The following RPS6KA3 variants were observed in gnomAD, a reference collection of about 807,000 sequenced individuals.
RPS6KA3 encodes ribosomal protein S6 kinase A3, also known as ribosomal protein S6 kinase alpha-3.
In RPS6KA3, 4 loss-of-function variants were observed where a neutral mutation model predicts 67.2. The ratio of observed to expected loss-of-function variants is 0.06; its 90% CI spans 0.03 to 0.14. The LOEUF is 0.14. RPS6KA3 is among the 10% of genes least tolerant of loss of function. The probability of loss-of-function intolerance (pLI) is 1.00; values close to 1 mark genes in which losing one functional copy is unlikely to be tolerated. For synonymous variants in RPS6KA3, 182 were observed against 183.7 expected, an observed-to-expected ratio of 0.99 and a Z score of 0.07; for missense variants, 204 against 559.0, an observed-to-expected ratio of 0.36 and a Z score of 6.40.
At chrX:20,209,224 A>G (rs2068646945) in intron 3 of RPS6KA3, 64 bp downstream of exon 3, 1 of 623,699 alleles carries the variant, frequency 1.6e-6, no homozygotes, top group African/African-American at 2.2e-5. Context: ...TTGTTTCCTC[A>G]TGTATATGAA....
intron 16 of RPS6KA3, 100 bp from the exon 17 acceptor site, chrX:20,167,847 A>T (rs1267922971): frequency 3.6e-6 from 2 of 563,002 alleles, no homozygotes; most frequent in Admixed American, 2.8e-5. Flanking sequence ...CTTCATATTC[A>T]AGACAAATTT....
intron 1 of RPS6KA3, among the ~76,000 whole-genome samples, chrX:20,252,767 G>C (rs1270610629): frequency 1.8e-5 from 2 of 111,344 alleles, no homozygotes; most frequent in Non-Finnish European, 3.8e-5. Flanking sequence ...GGGGAGGGTA[G>C]AGAAGGAAGC....
intron 1 of RPS6KA3, among the ~76,000 whole-genome samples, chrX:20,262,672 C>G (rs1256068884): frequency 9.0e-6 from 1 of 111,400 alleles, no homozygotes; most frequent in Non-Finnish European, 1.9e-5. Flanking sequence ...AGTTACTTGA[C>G]AGTTGACATG....
intron 1 of RPS6KA3, among the ~76,000 whole-genome samples, chrX:20,261,375 T>C (rs1603433367): frequency 1.8e-5 from 2 of 112,235 alleles, no homozygotes; most frequent in Admixed American, 1.9e-4. Context: ...TCATTACACA[T>C]TCTATGCATG....
At chrX:20,186,414 T>A in intron 9 of RPS6KA3, 48 bp from the exon 10 acceptor site, 2 of 775,714 alleles carry the variant, frequency 2.6e-6, no homozygotes, top group South Asian at 2.2e-5. Context: ...AAATATAAAA[T>A]CTGAAGGCCA....
intron 1 of RPS6KA3, among the ~76,000 whole-genome samples, chrX:20,261,883 G>C (rs1389330894): frequency 8.9e-6 from 1 of 112,073 alleles, no homozygotes; most frequent in Non-Finnish European, 1.9e-5. Context: ...TGATGGGAGT[G>C]GGGTGGAAGG....
chrX:20,237,753 T>C (rs1268130044), intron 1 of RPS6KA3, among the ~76,000 whole-genome samples: 2 of 111,585 alleles, frequency 1.8e-5, no homozygotes, highest in East Asian at 2.8e-4. Context: ...TGTAAAGTCC[T>C]TTTGATCTTG....
chrX:20,213,305 T>C (rs1392303568), intron 2 of RPS6KA3, among the ~76,000 whole-genome samples: 1 of 112,372 alleles, frequency 8.9e-6, no homozygotes, highest in Non-Finnish European at 1.9e-5. Flanking sequence ...TAGTTCTGCA[T>C]CTACTTTGAT....
At chrX:20,242,401 C>T (rs903136666) in intron 1 of RPS6KA3, among the ~76,000 whole-genome samples, 6 of 111,775 alleles carry the variant, frequency 5.4e-5, no homozygotes, top group Admixed American at 9.5e-5. Flanking sequence ...TTTATGCAGG[C>T]ATCACATTCA....
At chrX:20,201,049 A>G (rs1050031421) in intron 4 of RPS6KA3, among the ~76,000 whole-genome samples, 10 of 112,016 alleles carry the variant, frequency 8.9e-5, no homozygotes, top group African/African-American at 3.2e-4. Context: ...TAATGTTGCA[A>G]CAAGAATTTT....
intron 14 of RPS6KA3, among the ~76,000 whole-genome samples, chrX:20,173,454 C>T (rs748502493): frequency 8.9e-6 from 1 of 111,980 alleles, no homozygotes; most frequent in African/African-American, 3.2e-5. Flanking sequence ...AAGTCATAGC[C>T]TTACACAACT....
chrX:20,208,779 G>A (rs1442509309), intron 3 of RPS6KA3, among the ~76,000 whole-genome samples: 3 of 111,504 alleles, frequency 2.7e-5, no homozygotes, highest in Non-Finnish European at 5.7e-5. Context: ...AAACAAACAC[G>A]ATGTTACTGG....
chrX:20,208,254 C>G (rs2068620452), intron 3 of RPS6KA3, among the ~76,000 whole-genome samples: 1 of 110,458 alleles, frequency 9.1e-6, no homozygotes, highest in Non-Finnish European at 1.9e-5. Flanking sequence ...AGGTGGTGCT[C>G]AAACGGCAAT....
At chrX:20,163,603 A>C (rs2067358915) in intron 18 of RPS6KA3, among the ~76,000 whole-genome samples, 1 of 110,873 alleles carries the variant, frequency 9.0e-6, no homozygotes, top group Admixed American at 9.6e-5. Flanking sequence ...TTGGGAGGCC[A>C]AGGTGGGAGG....
At chrX:20,166,301 C>T (rs1405684734) in intron 17 of RPS6KA3, among the ~76,000 whole-genome samples, 6 of 111,761 alleles carry the variant, frequency 5.4e-5, no homozygotes, top group Non-Finnish European at 1.1e-4. Flanking sequence ...ATTTTAATAA[C>T]GAATTACTGA....
At chrX:20,219,089 A>C in intron 2 of RPS6KA3, 1 of 302,326 alleles carries the variant, frequency 3.3e-6, no homozygotes, top group Non-Finnish European at 5.9e-6. Flanking sequence ...GGAAACCAAA[A>C]CAGATTTGCT....
chrX:20,225,014 G>A (rs1031211025), intron 2 of RPS6KA3, among the ~76,000 whole-genome samples: 7 of 111,259 alleles, frequency 6.3e-5, no homozygotes, highest in African/African-American at 2.3e-4. Flanking sequence ...AGGTAAAGGG[G>A]TTACAACTTT....
intron 4 of RPS6KA3, among the ~76,000 whole-genome samples, chrX:20,197,863 C>T (rs978141878): frequency 1.8e-5 from 2 of 111,743 alleles, no homozygotes; most frequent in African/African-American, 6.5e-5. Flanking sequence ...CTCATGCTGG[C>T]AAAGCAACTA....
chrX:20,257,535 C>A (rs954498188), intron 1 of RPS6KA3, among the ~76,000 whole-genome samples: 1 of 112,147 alleles, frequency 8.9e-6, no homozygotes, highest in African/African-American at 3.2e-5. Context: ...TCTGCCTGAA[C>A]AGGTCTCAAT....
Sources: allele counts gnomAD v4.1 joint callset (sites outside exome capture counted in the v4.1 genomes callset), GRCh38; gene constraint gnomAD v4.1.1; transcripts MANE v1.5; gene names NCBI Gene and HGNC (gene_info 2026-07-23, HGNC 2026-07-21).